Variants in ZNF292 observed in about 807,000 individuals in gnomAD.
ZNF292 encodes zinc finger protein 292.
In ZNF292, 26 loss-of-function variants were observed where a neutral mutation model predicts 217.9. The observed-to-expected ratio is 0.12, with a 90% CI of 0.09 to 0.17. The LOEUF is 0.17. Among genes scored for constraint, ZNF292 ranks in the 10% least tolerant of loss-of-function variants. The probability of loss-of-function intolerance (pLI) is 1.00; values close to 1 mark genes in which losing one functional copy is unlikely to be tolerated. For synonymous variants in ZNF292, 1,257 were observed against 1,124.1 expected (o/e 1.12, Z -2.37); for missense variants, 2,904 against 3,175.2 (o/e 0.91, Z 2.05).
intron 1 of ZNF292, among the ~76,000 whole-genome samples, chr6:87,186,125 C>G (rs1476380326): frequency 6.6e-6 from 1 of 152,182 alleles, no homozygotes; most frequent in Non-Finnish European, 1.5e-5. Context: ...ATGCTTTGGC[C>G]TTTCTGATGT....
chr6:87,247,385 C>T (rs1177195374), intron 7 of ZNF292, among the ~76,000 whole-genome samples: 1 of 152,040 alleles, frequency 6.6e-6, no homozygotes, highest in Non-Finnish European at 1.5e-5. Context: ...AAAAATAATA[C>T]TGTCTAACAC....
At chr6:87,221,312 G>A (rs1277869355) in intron 4 of ZNF292, among the ~76,000 whole-genome samples, 1 of 152,078 alleles carries the variant, frequency 6.6e-6, no homozygotes, top group East Asian at 1.9e-4. Flanking sequence ...TATTACTTAT[G>A]CCTCTCTTTA....
At position 87,176,638 on chromosome 6, in the gene ZNF292, T is replaced by C. The variant is rs190207740; in HGVS notation, c.168+20879T>C. Among the ~76,000 whole-genome samples, 6 of 152,322 alleles carry C rather than the reference T, an allele frequency of 3.9e-5. No homozygotes were observed. The East Asian group carries it at 1.2e-3, about 29-fold the overall frequency. ...CCTCAATGTTTTCTTCCTTTCACTC[T>C]TCACTAGCAACACTCAAGCATTTTT... On this transcript the variant is annotated intron_variant, in intron 1 of 7. Transcript: ENST00000369577.
Position 87,194,470 on chromosome 6 carries a change from A to G in ZNF292, c.169-21433A>G, listed in dbSNP as rs967623271. Among the ~76,000 whole-genome samples the G allele has an allele frequency of 2.6e-5, 4 of 152,346 alleles. No individual in the cohort carries two copies. The East Asian group carries it at 7.7e-4, about 29-fold the overall frequency. ...TAAGTTTAACTTGCACATCTGACCA[A>G]GTGAAAAAAGAGAGAGCAGAAGTAG... On this transcript the variant is annotated intron_variant, in intron 1 of 7. Transcript: ENST00000369577.
chr6:87,256,597 AAAG>A lies in ZNF292; in HGVS notation c.2971_2973del (p.Glu991del). 1 of 1,613,662 alleles carries A rather than the reference AAAG, an allele frequency of 6.2e-7. No homozygotes were observed. The highest frequency in any genetic ancestry group is 8.5e-7 in the Non-Finnish European group (1 of 1,179,826). On this transcript the variant is annotated inframe_deletion, in exon 8 of 8. Transcript: ENST00000369577. ...GTGTCATCCAGGTTTCCAGGAGAGA[AAAG>A]AACAAGATTGCTTTAATGATGCCCA...
intron 4 of ZNF292, among the ~76,000 whole-genome samples, chr6:87,232,492 A>G (rs908342486): frequency 6.6e-6 from 1 of 152,142 alleles, no homozygotes; most frequent in Non-Finnish European, 1.5e-5. Flanking sequence ...ATTTTTAAAC[A>G]TGATTTCTAT....
chr6:87,253,291 C>T (rs1037349909), intron 7 of ZNF292, among the ~76,000 whole-genome samples: 7 of 140,738 alleles, frequency 5.0e-5, no homozygotes, highest in Admixed American at 1.5e-4. Context: ...TGCAGTGGTG[C>T]GATCTCTGCT....
intron 1 of ZNF292, among the ~76,000 whole-genome samples, chr6:87,181,893 C>T (rs929235847): frequency 2.6e-5 from 4 of 152,006 alleles, no homozygotes; most frequent in African/African-American, 4.8e-5. Context: ...CATGTTGGCC[C>T]GGCTGGTCTC....
chr6:87,256,233 A>T lies in ZNF292; in HGVS notation c.2604A>T (p.Glu868Asp), dbSNP rs1562182942. 6.2e-6 allele frequency: 10 copies of T among 1,613,756 alleles called. No homozygotes were observed. Among genetic ancestry groups the T allele is most frequent in the Non-Finnish European group, 8.5e-6 (10 of 1,179,830 alleles). ...ACACAGCAGAGAATATTGAGAAAGA[A>T]AGATCTATGCTTCCTTCAGAAAATA... ...NQNTAENIEK[E>D]RSMLPSENNI... The change falls in exon 8 of 8, where the codon GAA (glutamate) becomes GAT (aspartate). Residue 868 changes from glutamate to aspartate, a missense_variant. This residue lies in a region of ZNF292 where 687 missense variants were observed against 623.0 expected (regional missense o/e 1.10). Transcript: ENST00000369577.
At chr6:87,172,901 C>CA (rs200508862) in intron 1 of ZNF292, among the ~76,000 whole-genome samples, 8,767 of 125,240 alleles carry the variant, frequency 0.07, 374 homozygotes, top group Middle Eastern at 0.12. Context: ...GACTCTGTCT[C>CA]AAAAAAAAAA....
chr6:87,226,575 C>T (rs535069530), intron 4 of ZNF292, among the ~76,000 whole-genome samples: 20 of 149,316 alleles, frequency 1.3e-4, no homozygotes, highest in East Asian at 3.9e-4. Context: ...GATTTTTAAA[C>T]GCACTCTTTG....
At chr6:87,193,538 C>CA (rs981050787) in intron 1 of ZNF292, among the ~76,000 whole-genome samples, 2,021 of 124,774 alleles carry the variant, frequency 0.016, 29 homozygotes, top group African/African-American at 0.042. Context: ...AGAGACCTTC[C>CA]AAAAAAAAAA....
intron 4 of ZNF292, among the ~76,000 whole-genome samples, chr6:87,231,655 A>G (rs928556237): frequency 2.6e-5 from 4 of 152,168 alleles, no homozygotes; most frequent in African/African-American, 9.7e-5. Context: ...AAATTACACA[A>G]TTTGTCGTTC....
rs368722304 is a variant in ZNF292 at position 87,255,094 on chromosome 6, A to C, written c.1465A>C (p.Ser489Arg). The C allele has an allele frequency of 4.3e-6, 7 of 1,613,526 alleles. No individual in the cohort carries two copies. The highest frequency in any genetic ancestry group is 5.9e-6 in the Non-Finnish European group (7 of 1,179,848). The change falls in exon 8 of 8, where the codon AGT becomes CGT. Residue 489 changes from serine (S) to arginine (R), a missense_variant. Around this residue, in one of 15 missense-constraint regions of ZNF292, gnomAD observed 87 missense variants for 99.6 expected, o/e 0.87. Transcript: ENST00000369577. ...AAAAGTGGTAGACTACCAAGAAGAG[A>C]GTAAAGAAACTTCTATGAATGGGCT... ...YEKVVDYQEE[S>R]KETSMNGLSG...
chr6:87,244,123 A>G (rs551877926), intron 6 of ZNF292, among the ~76,000 whole-genome samples: 1 of 152,314 alleles, frequency 6.6e-6, no homozygotes, highest in South Asian at 2.1e-4. Flanking sequence ...TTGTGTTGAT[A>G]TTATGGGAAC....
chr6:87,233,343 T>C lies in ZNF292; in HGVS notation c.557T>C (p.Phe186Ser). 2 of 1,607,626 alleles carry C rather than the reference T, an allele frequency of 1.2e-6. No homozygotes were observed. Among genetic ancestry groups the C allele is most frequent in the Non-Finnish European group, 1.7e-6 (2 of 1,177,434 alleles). ...DKDKVNEFLAFEGPILLDMRI... is the reference protein window; with the variant it reads ...DKDKVNEFLASEGPILLDMRI... The stretch of plus-strand genomic sequence containing the variant: ...TTTAAAGTGAATGAATTTTTAGCTT[T>C]TGAGGGTCCCATCTTGTTGGATATG... Residue 186 changes from phenylalanine to serine, a missense_variant, in exon 5 of 8, where the codon TTT becomes TCT. By Grantham distance (155) the Phe-to-Ser change is radical. This residue lies in a region of ZNF292 where 313 missense variants were observed against 451.0 expected (regional missense o/e 0.69). Coordinates refer to ENST00000369577, the MANE Select transcript of ZNF292 (RefSeq NM_015021.3).
At chr6:87,239,482 G>A (rs796860379) in intron 5 of ZNF292, among the ~76,000 whole-genome samples, 13 of 16,540 alleles carry the variant, frequency 7.9e-4, no homozygotes, top group East Asian at 2.2e-3. Flanking sequence ...CTGGCCGGGC[G>A]GGGGCTGCCC....
rs766195166 is a variant in ZNF292, at chr6:87,160,642, G to A, written c.168+4883G>A. 4.0e-5 allele frequency among the ~76,000 whole-genome samples: 6 copies of A among 148,556 alleles called. No homozygotes were observed. The South Asian group carries it at 6.4e-4, about 16-fold the overall frequency. On this transcript the variant is annotated intron_variant, in intron 1 of 7. Coordinates refer to ENST00000369577, the MANE Select transcript of ZNF292 (RefSeq NM_015021.3). ...TGTGTGTGTATACATACATGTATAC[G>A]GTGTGTGTGTGTGTATATATACATA...
intron 1 of ZNF292, among the ~76,000 whole-genome samples, chr6:87,198,779 G>A (rs889382881): frequency 9.2e-5 from 14 of 152,288 alleles, no homozygotes; most frequent in Middle Eastern, 3.4e-3. Context: ...CTTGGGTTGC[G>A]TCTCATAAAC....
Sources: gnomAD v4.1 joint callset for allele counts (sites outside exome capture counted in the v4.1 genomes callset) on GRCh38, gnomAD v4.1.1 for gene constraint, gnomAD v4.1.1 regional missense constraint, MANE v1.5 for transcripts, NCBI Gene and HGNC (gene_info 2026-07-23, HGNC 2026-07-21) for gene names.